The following SLC6A16 variants were observed in gnomAD, a reference collection of about 807,000 sequenced individuals.
The protein encoded by SLC6A16 is solute carrier family 6 member 16, also known as orphan sodium- and chloride-dependent neurotransmitter transporter NTT5.
A neutral mutation model predicts 65.4 loss-of-function variants in SLC6A16; 54 were observed. That is an observed-to-expected ratio of 0.83 (90% CI 0.66 to 1.04). The LOEUF is 1.04. SLC6A16 is among the 50% of genes least tolerant of loss of function. The pLI is 0.00. For missense variants in SLC6A16, 816 were observed against 914.0 expected (o/e 0.89, Z 1.38); for synonymous variants, 330 against 346.5 (o/e 0.95, Z 0.53).
At chr19:49,325,227 C>T, upstream of SLC6A16, 1 of 985,314 alleles carries the variant, frequency 1.0e-6, no homozygotes, top group Non-Finnish European at 1.2e-6. Context: ...ATTCTCTGCG[C>T]ATGCGCCGCC....
At chr19:49,298,794 T>G (rs1970230161) in intron 7 of SLC6A16, among the ~76,000 whole-genome samples, 1 of 152,032 alleles carries the variant, frequency 6.6e-6, no homozygotes, top group Non-Finnish European at 1.5e-5. Context: ...AGCAAAGACA[T>G]GAAATCAAGC....
At chr19:49,319,178 A>T (rs903263349) in intron 1 of SLC6A16, among the ~76,000 whole-genome samples, 4 of 151,998 alleles carry the variant, frequency 2.6e-5, no homozygotes, top group African/African-American at 9.7e-5. Context: ...GACTGAAAAC[A>T]ATTACCAGAG....
At chr19:49,310,269 G>A (rs1372426418) in intron 3 of SLC6A16, 84 bp downstream of exon 3, 3 of 1,602,786 alleles carry the variant, frequency 1.9e-6, no homozygotes, top group Non-Finnish European at 2.6e-6. Flanking sequence ...ACCCATGGAG[G>A]TATTCACAGG....
chr19:49,339,448 T>C, the SLC6A16 span: 13 of 1,595,856 alleles, frequency 8.1e-6, no homozygotes, highest in African/African-American at 1.7e-4. This position sits in a 1 kb window ranked among gnomAD's most constrained non-coding sequence, Gnocchi z 4.5. Flanking sequence ...CGATCGGCCC[T>C]AAATCCCTAG....
chr19:49,325,199 G>A (rs1446813821), upstream of SLC6A16: 6 of 985,480 alleles, frequency 6.1e-6, no homozygotes, highest in Admixed American at 6.1e-5. Flanking sequence ...TCTGCCTGGC[G>A]CGCGGCCTTT....
At chr19:49,338,017 T>C in the SLC6A16 span, 59 of 1,613,932 alleles carry the variant, frequency 3.7e-5, no homozygotes, top group East Asian at 4.0e-4. The surrounding 1 kb of genome is among the most constrained non-coding windows in gnomAD (Gnocchi z 5.0). Context: ...GCTGGGACTA[T>C]GTGCAGTTCC....
chr19:49,336,915 C>G, the SLC6A16 span: 2 of 1,613,988 alleles, frequency 1.2e-6, no homozygotes, highest in African/African-American at 2.7e-5. Context: ...CCAGGCTTGG[C>G]CTTCGTGCCT....
At chr19:49,299,330 G>A (rs150255254) in intron 7 of SLC6A16, among the ~76,000 whole-genome samples, 33 of 151,464 alleles carry the variant, frequency 2.2e-4, no homozygotes, top group African/African-American at 7.5e-4. Context: ...GAGGCAAACC[G>A]ATCACTTGAT....
chr19:49,324,654 A>G (rs1479880458), intron 1 of SLC6A16, among the ~76,000 whole-genome samples: 1 of 152,212 alleles, frequency 6.6e-6, no homozygotes, highest in African/African-American at 2.4e-5. Context: ...GAAAATAAGG[A>G]GCTGGTGTCC....
At chr19:49,302,261 C>A (rs143659108) in intron 7 of SLC6A16, among the ~76,000 whole-genome samples, 3 of 152,198 alleles carry the variant, frequency 2.0e-5, no homozygotes, top group African/African-American at 4.8e-5. Flanking sequence ...TCCACTGCTG[C>A]GAGTCCTGGC....
At chr19:49,339,495 T>C in the SLC6A16 span, 1 of 1,535,500 alleles carries the variant, frequency 6.5e-7, no homozygotes, top group Non-Finnish European at 8.9e-7. The surrounding 1 kb of genome is among the most constrained non-coding windows in gnomAD (Gnocchi z 4.5). Flanking sequence ...TTCGGTTGCC[T>C]GGGAAGGACG....
At chr19:49,326,972 T>G (rs146994245), upstream of SLC6A16, among the ~76,000 whole-genome samples, 687 of 149,906 alleles carry the variant, frequency 4.6e-3, 2 homozygotes, top group African/African-American at 0.016. Context: ...TAAGCCAAGA[T>G]CACACTACTA....
the SLC6A16 span, chr19:49,339,065 CGGGG>C: frequency 2.6e-6 from 2 of 778,516 alleles, no homozygotes; most frequent in Non-Finnish European, 4.2e-6. This position sits in a 1 kb window ranked among gnomAD's most constrained non-coding sequence, Gnocchi z 4.5. Flanking sequence ...GCAGGAGGGG[CGGGG>C]CCCTCTGAAG....
At chr19:49,334,962 C>G in the SLC6A16 span, among the ~76,000 whole-genome samples, 5 of 151,672 alleles carry the variant, frequency 3.3e-5, no homozygotes, top group Non-Finnish European at 7.4e-5. Context: ...AGGACAGAGA[C>G]CCAGAGGAGG....
chr19:49,315,245 T>C (rs188430088), intron 1 of SLC6A16, among the ~76,000 whole-genome samples: 7 of 152,318 alleles, frequency 4.6e-5, no homozygotes, highest in Admixed American at 2.6e-4. Flanking sequence ...AAGTAAATAC[T>C]TTCCCAGCAA....
upstream of SLC6A16, among the ~76,000 whole-genome samples, chr19:49,326,390 T>G (rs1667343505): frequency 6.6e-6 from 1 of 152,178 alleles, no homozygotes; most frequent in African/African-American, 2.4e-5. Context: ...ATCTTAGTAG[T>G]ATTATGAAAA....
rs558982248 is a variant in SLC6A16 at position 49,293,761 on chromosome 19, A to G, written c.1618+66T>C. 2.3e-5 allele frequency: 33 copies of G among 1,444,902 alleles called. No homozygotes were observed. The African/African-American group carries it at 2.7e-4, about 12-fold the overall frequency. The allele number at this position is 1,444,902 out of a possible 1,614,324, so 89.5% of individuals were successfully genotyped here. ...CCTGGGCTACAGGGACCCTGTCCCA[A>G]AAAAAGAGTCCCAGTGGTGTCAGGG... On this transcript the variant is annotated intron_variant, in intron 9 of 11. Transcript: ENST00000335875.
In SLC6A16 at chr19:49,309,040, G is replaced by A. The variant is rs1274943847; in HGVS notation, c.1065C>T (p.Gly355=). 6 of 1,614,088 alleles carry A rather than the reference G, an allele frequency of 3.7e-6. No homozygotes were observed. The highest frequency in any genetic ancestry group is 1.7e-5 in the Admixed American group (1 of 60,004). The stretch of plus-strand genomic sequence containing the variant: ...TGTAGGAGGCTAAGGAGGCAACGGA[G>A]CCAAGGCCTATGCCTGTGTTAGACA... ...QVLSNTGIGL[G]SVASLASYMP... is the part of the protein sequence containing the mutation. The change falls in exon 7 of 12, where the codon GGC becomes GGT. Residue 355 remains glycine, a synonymous_variant. Transcript: ENST00000335875.
At chr19:49,337,500 G>T in the SLC6A16 span, 6 of 648,638 alleles carry the variant, frequency 9.3e-6, no homozygotes, top group Non-Finnish European at 1.5e-5. Context: ...TGTGCACCTG[G>T]GGTCCCAGCT....
Sources: gnomAD v4.1 joint callset for allele counts (sites outside exome capture counted in the v4.1 genomes callset) on GRCh38, gnomAD v4.1.1 for gene constraint, Gnocchi (gnomAD v3.1) non-coding constraint, MANE v1.5 for transcripts, NCBI Gene and HGNC (gene_info 2026-07-23, HGNC 2026-07-21) for gene names.